The following NUP188 variants were observed in gnomAD, a reference collection of about 807,000 sequenced individuals.
NUP188 encodes nucleoporin NUP188.
In NUP188, 97 loss-of-function variants were observed where a neutral mutation model predicts 223.0. The ratio of observed to expected loss-of-function variants is 0.43; its 90% CI spans 0.37 to 0.51. The LOEUF is 0.51. Ranked by LOEUF, NUP188 falls within the 20% of genes least tolerant of loss-of-function variation. NUP188 has a pLI of 0.00. For missense variants in NUP188, 1,947 were observed against 2,175.6 expected, an observed-to-expected ratio of 0.89 and a Z score of 2.09; for synonymous variants, 869 against 828.0, an observed-to-expected ratio of 1.05 and a Z score of -0.85.
chr9:129,001,843 G>C, intron 35 of NUP188, 41 bp from the exon 36 acceptor site: 1 of 1,602,448 alleles, frequency 6.2e-7, no homozygotes, highest in Non-Finnish European at 8.5e-7. Flanking sequence ...GGCAGGGCAG[G>C]GGCAGGCTCC....
chr9:128,971,533 C>T (rs979501864), intron 11 of NUP188, among the ~76,000 whole-genome samples: 2 of 152,068 alleles, frequency 1.3e-5, no homozygotes, highest in Non-Finnish European at 2.9e-5. Context: ...ATTCTCCTGC[C>T]TCAGCCTCCC....
At position 128,956,399 on chromosome 9, in the gene NUP188, T is replaced by A. The variant is rs746560462; in HGVS notation, c.211T>A (p.Leu71Met). ...AGCTAATAAAGATGTAGCTTCACCATTGAAGGAACTGGGTTTAAGAATCAG... is the reference window on the plus strand; with the variant it reads ...AGCTAATAAAGATGTAGCTTCACCAATGAAGGAACTGGGTTTAAGAATCAG... Reference protein sequence around the residue: ...VKANKDVASPLKELGLRISKF... With the variant: ...VKANKDVASPMKELGLRISKF... The change falls in exon 4 of 44, where the codon TTG becomes ATG. Residue 71 changes from leucine to methionine, a missense_variant. Coordinates refer to ENST00000372577, the MANE Select transcript of NUP188 (RefSeq NM_015354.3). 22 of 1,581,488 alleles carry A rather than the reference T, an allele frequency of 1.4e-5. No homozygotes were observed. The highest frequency in any genetic ancestry group is 1.9e-5 in the Non-Finnish European group (22 of 1,167,420).
At chr9:128,995,231 C>T (rs1842501671) in intron 29 of NUP188, 88 bp from the exon 30 acceptor site, 2 of 1,059,368 alleles carry the variant, frequency 1.9e-6, no homozygotes, top group African/African-American at 1.6e-5. Flanking sequence ...CATGCAAGGT[C>T]GTTTTCTCTG....
Position 128,994,982 on chromosome 9 carries a change from C to G in NUP188, c.3155+59C>G, listed in dbSNP as rs553977934. 447 of 1,279,504 alleles carry G rather than the reference C, an allele frequency of 3.5e-4. 1 individual carries two copies. Among genetic ancestry groups the G allele is most frequent in the Non-Finnish European group, 4.9e-4 (434 of 876,782 alleles). 79.3% of individuals were successfully genotyped at this position (1,279,504 alleles called of 1,614,324 possible). A position where few individuals can be genotyped will look rare whatever the true frequency, so the allele number is the denominator to read the frequency against. ...AGGTTGGGGGAGTGGGAGTTGGTGG[C>G]CTACCACTGGGTGCATGGCTGGAAG... On this transcript the variant is annotated intron_variant, in intron 29 of 43. Transcript: ENST00000372577.
intron 24 of NUP188, among the ~76,000 whole-genome samples, chr9:128,989,859 TAATAA>T (rs1564562385): frequency 6.6e-6 from 1 of 152,142 alleles, no homozygotes; most frequent in South Asian, 2.1e-4. Context: ...AAATAAAAAT[TAATAA>T]AATAAGCACC....
intron 3 of NUP188, among the ~76,000 whole-genome samples, chr9:128,954,242 T>C (rs1397853839): frequency 6.6e-6 from 1 of 151,514 alleles, no homozygotes; most frequent in Non-Finnish European, 1.5e-5. Flanking sequence ...TGAGATGGAG[T>C]CTCGCTTTGT....
At chr9:128,952,400 A>G (rs1841803012) in intron 2 of NUP188, among the ~76,000 whole-genome samples, 2 of 139,366 alleles carry the variant, frequency 1.4e-5, no homozygotes, top group Non-Finnish European at 1.5e-5. Context: ...CTCCGTCTCA[A>G]AAAAAAAAAA....
Position 129,005,129 on chromosome 9 carries a change from C to T in NUP188, c.4435-18C>T. ...TGCTGACAAGAGAATCCGCTCATCT[C>T]TCCTGTGTCTCTCCCAGGTCAACCT... On this transcript the variant is annotated intron_variant, in intron 38 of 43. Coordinates refer to ENST00000372577, the MANE Select transcript of NUP188 (RefSeq NM_015354.3). 6.2e-7 allele frequency: 1 copy of T among 1,606,700 alleles called. No homozygotes were observed. The highest frequency in any genetic ancestry group is 8.5e-7 in the Non-Finnish European group (1 of 1,173,300).
Position 128,985,196 on chromosome 9 carries a change from G to A in NUP188, c.2076+182G>A, listed in dbSNP as rs1168953351. ...TGAGTACCTAGTATGTGCCAGTTAT[G>A]TACTCTATTAGGTGCTTAATTATGT... On this transcript the variant is annotated intron_variant, in intron 20 of 43. Transcript: ENST00000372577. 1.8e-5 allele frequency: 10 copies of A among 544,280 alleles called. No individual in the cohort carries two copies. The East Asian group carries it at 1.9e-4, about 10-fold the overall frequency. The allele number at this position is 544,280 out of a possible 1,614,324, so 33.7% of individuals were successfully genotyped here.
intron 33 of NUP188, 26 bp from the exon 34 acceptor site, chr9:128,999,598 A>G: frequency 6.2e-7 from 1 of 1,609,568 alleles, no homozygotes; most frequent in Non-Finnish European, 8.5e-7. Flanking sequence ...TGAGCATGAC[A>G]GTGTCCCTCC....
intron 8 of NUP188, among the ~76,000 whole-genome samples, chr9:128,967,680 C>T (rs1319826773): frequency 1.3e-5 from 2 of 151,998 alleles, no homozygotes; most frequent in Non-Finnish European, 2.9e-5. Context: ...ATCCCAGCTA[C>T]TCGGGAGGCT....
intron 8 of NUP188, among the ~76,000 whole-genome samples, chr9:128,966,431 T>G (rs1161969909): frequency 1.3e-5 from 2 of 151,760 alleles, no homozygotes; most frequent in East Asian, 3.9e-4. Context: ...GGCTGGAGTT[T>G]AGTGGCACAA....
intron 22 of NUP188, among the ~76,000 whole-genome samples, chr9:128,987,136 T>C (rs1842348693): frequency 6.6e-6 from 1 of 151,182 alleles, no homozygotes; most frequent in East Asian, 1.9e-4. Flanking sequence ...TGTGTGTATG[T>C]GTATACATAC....
At position 128,952,861 on chromosome 9, in the gene NUP188, G is replaced by C. The variant is rs1216897722; in HGVS notation, c.161+15G>C. ...AAACCTCCCAGGTATGGCAGTTCCG[G>C]GTGTCTGGTTAAAGTAATTGTCCTA... On this transcript the variant is annotated intron_variant, in intron 3 of 43. Coordinates refer to ENST00000372577, the MANE Select transcript of NUP188 (RefSeq NM_015354.3). 1.2e-6 allele frequency: 2 copies of C among 1,605,318 alleles called. No individual in the cohort carries two copies. Among genetic ancestry groups the C allele is most frequent in the East Asian group, 4.5e-5 (2 of 44,846 alleles).
At chr9:128,986,376 A>C (rs1842333450) in intron 20 of NUP188, among the ~76,000 whole-genome samples, 182 bp from the exon 21 acceptor site, 2 of 152,182 alleles carry the variant, frequency 1.3e-5, no homozygotes, top group African/African-American at 4.8e-5. Flanking sequence ...CTATTCTAGA[A>C]AAGACCCACA....
Position 128,970,950 on chromosome 9 carries a change from G to A in NUP188, c.1105G>A (p.Gly369Arg). 1.2e-6 allele frequency: 2 copies of A among 1,613,664 alleles called. No homozygotes were observed. Among genetic ancestry groups the A allele is most frequent in the Non-Finnish European group, 1.7e-6 (2 of 1,179,630 alleles). The stretch of plus-strand genomic sequence containing the variant: ...ATTGCTCCAGTCCCTTGCCAGTGGG[G>A]GAAATGATGTGAGTTTAAGGCTCTG... ...TRLLQSLASG[G>R]NDCTTSTACM... Residue 369 changes from glycine to arginine, a missense_variant, in exon 11 of 44, where the codon GGA becomes AGA. Gly to Arg is a moderately radical substitution (Grantham distance 125). This residue lies in a region of NUP188 where 817 missense variants were observed against 865.8 expected (regional missense o/e 0.94). Coordinates refer to ENST00000372577, the MANE Select transcript of NUP188 (RefSeq NM_015354.3).
In NUP188 at chr9:128,956,496, T is replaced by C. The variant is rs1841873432; in HGVS notation, c.246+62T>C. The C allele has an allele frequency of 3.7e-6, 3 of 802,054 alleles. No homozygotes were observed. The South Asian group carries it at 5.5e-5, about 15-fold the overall frequency. 49.7% of individuals were successfully genotyped at this position (802,054 alleles called of 1,614,324 possible). On this transcript the variant is annotated intron_variant, in intron 4 of 43. Transcript: ENST00000372577. ...GCAGTGTGGATGTGCGTGGTTATATTGCTAGTGATAGTGAAAATTCAGTTT... is the reference window on the plus strand; with the variant it reads ...GCAGTGTGGATGTGCGTGGTTATATCGCTAGTGATAGTGAAAATTCAGTTT...
intron 38 of NUP188, 120 bp from the exon 39 acceptor site, chr9:129,005,027 A>T: frequency 1.4e-6 from 1 of 715,816 alleles, no homozygotes; most frequent in Non-Finnish European, 2.5e-6. Flanking sequence ...AAGGAGGGAG[A>T]GAAGAGCAGC....
chr9:128,983,140 C>G, intron 17 of NUP188, 112 bp downstream of exon 17: 2 of 1,474,700 alleles, frequency 1.4e-6, no homozygotes, highest in Admixed American at 3.5e-5. Context: ...GCGCATATTC[C>G]TTGGTTTTCC....
Sources: gnomAD v4.1 joint callset for allele counts (sites outside exome capture counted in the v4.1 genomes callset) on GRCh38, gnomAD v4.1.1 for gene constraint, gnomAD v4.1.1 regional missense constraint, MANE v1.5 for transcripts, NCBI Gene and HGNC (gene_info 2026-07-23, HGNC 2026-07-21) for gene names.